SAG: variants seen among roughly 807,000 people sequenced by gnomAD.
SAG encodes S-arrestin.
SAG carries 45 observed loss-of-function variants against 55.0 expected under a neutral mutation model. That is an observed-to-expected ratio of 0.82 (90% CI 0.64 to 1.05). SAG has a LOEUF of 1.05. SAG is among the 50% of genes least tolerant of loss of function. SAG has a pLI of 0.00. For missense variants in SAG, 455 were observed against 512.1 expected (o/e 0.89, Z 1.08); for synonymous variants, 189 against 197.4 (o/e 0.96, Z 0.36).
At chr2:233,321,439 A>G (rs781580477) in intron 5 of SAG, among the ~76,000 whole-genome samples, 2 of 152,238 alleles carry the variant, frequency 1.3e-5, no homozygotes, top group Non-Finnish European at 2.9e-5. Context: ...AAAGGAATGA[A>G]ATTCTGTTCT....
rs535555001 is a variant in SAG at position 233,318,633 on chromosome 2, C to G, written c.137-118C>G. 3.4e-6 allele frequency: 3 copies of G among 895,358 alleles called. No homozygotes were observed. In the South Asian group the frequency reaches 4.5e-5, roughly 13 times the overall value. 55.5% of individuals were successfully genotyped at this position (895,358 alleles called of 1,614,324 possible). On this transcript the variant is annotated intron_variant, in intron 3 of 15. Transcript: ENST00000409110. ...TTTTCCCTTTGCCTGACTTTTCTTT[C>G]TTTCTTATAATGAACATGGATTACA...
At chr2:233,330,534 TTC>T (rs1700725640) in intron 9 of SAG, among the ~76,000 whole-genome samples, 1 of 147,904 alleles carries the variant, frequency 6.8e-6, no homozygotes, top group African/African-American at 2.5e-5. Flanking sequence ...CCTTCCTTCC[TTC>T]CTTCCTCCCT....
At position 233,337,242 on chromosome 2, in the gene SAG, T is replaced by C. The variant is rs973459506; in HGVS notation, c.945-1434T>C. ...ATATTCTGTCCTCTTTTAAAAATTATTTTTATTTTTTTTTGAGATAAGGTC... is the reference window on the plus strand; with the variant it reads ...ATATTCTGTCCTCTTTTAAAAATTACTTTTATTTTTTTTTGAGATAAGGTC... On this transcript the variant is annotated intron_variant, in intron 11 of 15. Coordinates refer to ENST00000409110, the MANE Select transcript of SAG (RefSeq NM_000541.5). Among the ~76,000 whole-genome samples, 4 of 78,874 alleles carry C rather than the reference T, an allele frequency of 5.1e-5. 1 individual carries two copies. The highest frequency in any genetic ancestry group is 2.0e-4 in the African/African-American group (3 of 15,162). 51.7% of individuals were successfully genotyped at this position (78,874 alleles called of 152,430 possible). A position where few individuals can be genotyped will look rare whatever the true frequency, so the allele number is the denominator to read the frequency against.
In SAG at chr2:233,309,228, C is replaced by A; in HGVS notation, c.39C>A (p.Asn13Lys). The change falls in exon 2 of 16, where the codon AAC (asparagine) becomes AAA (lysine). Residue 13 changes from asparagine (N) to lysine (K), a missense_variant. Coordinates refer to ENST00000409110, the MANE Select transcript of SAG (RefSeq NM_000541.5). ...ASGKTSKSEP[N>K]HVIFKKISRD... ...GGAAGACCAGCAAGTCCGAACCGAA[C>A]CATGTTATCTTCAAGAAGATCTCCC... The A allele has an allele frequency of 6.2e-7, 1 of 1,613,782 alleles. No homozygotes were observed.
chr2:233,310,809 T>C (rs1700058723), intron 2 of SAG, among the ~76,000 whole-genome samples: 2 of 152,034 alleles, frequency 1.3e-5, no homozygotes, highest in East Asian at 3.9e-4. Flanking sequence ...ACCTGGCCCA[T>C]TGTGGCTGAC....
intron 3 of SAG, 97 bp from the exon 4 acceptor site, chr2:233,318,654 T>C: frequency 9.7e-7 from 1 of 1,035,414 alleles, no homozygotes; most frequent in South Asian, 1.3e-5. Flanking sequence ...TGAACATGGA[T>C]TACATGTGTA....
chr2:233,314,184 T>C (rs1700156381), intron 2 of SAG, among the ~76,000 whole-genome samples: 1 of 150,196 alleles, frequency 6.7e-6, no homozygotes, highest in Non-Finnish European at 1.5e-5. Context: ...ATAGTGCCAC[T>C]GCACTCCAGC....
intron 13 of SAG, among the ~76,000 whole-genome samples, chr2:233,341,098 G>A (rs1238575545): frequency 6.6e-6 from 1 of 152,158 alleles, no homozygotes; most frequent in Non-Finnish European, 1.5e-5. Flanking sequence ...ATAGATATGA[G>A]CCACCACACC....
intron 5 of SAG, 26 bp from the exon 6 acceptor site, chr2:233,322,920 G>C (rs1468745184): frequency 4.3e-6 from 6 of 1,410,474 alleles, no homozygotes; most frequent in Non-Finnish European, 5.9e-6. Context: ...TGAAATAAAT[G>C]ATTTTTTATT....
Position 233,320,838 on chromosome 2 carries a change from C to T in SAG, c.375+15C>T, listed in dbSNP as rs773059710. 2.7e-5 allele frequency: 43 copies of T among 1,568,212 alleles called. No individual in the cohort carries two copies. The highest frequency in any genetic ancestry group is 1.7e-4 in the Middle Eastern group (1 of 5,962). Reference sequence around the variant, plus strand: ...TTCTCCTGACGGTGGGTGACTCCTCCGGCCAGCCCTGCTTCCTTCACCCGC... The same window carrying T: ...TTCTCCTGACGGTGGGTGACTCCTCTGGCCAGCCCTGCTTCCTTCACCCGC... On this transcript the variant is annotated intron_variant, in intron 5 of 15. Transcript: ENST00000409110.
intron 2 of SAG, among the ~76,000 whole-genome samples, chr2:233,310,684 T>C (rs2125319212): frequency 6.6e-6 from 1 of 152,108 alleles, no homozygotes; most frequent in East Asian, 1.9e-4. Flanking sequence ...TTTTTGTATT[T>C]TTAGTAGAGA....
intron 6 of SAG, among the ~76,000 whole-genome samples, chr2:233,325,934 T>C (rs2125333638): frequency 6.6e-6 from 1 of 152,296 alleles, no homozygotes; most frequent in Non-Finnish European, 1.5e-5. Context: ...CATATTTATT[T>C]TCCACTTAGA....
intron 9 of SAG, among the ~76,000 whole-genome samples, chr2:233,331,115 G>A (rs535551222): frequency 1.3e-5 from 2 of 152,136 alleles, no homozygotes; most frequent in Non-Finnish European, 2.9e-5. Flanking sequence ...TCATCACAAC[G>A]TCCCTATGAG....
intron 3 of SAG, among the ~76,000 whole-genome samples, chr2:233,317,678 T>G (rs1700248116): frequency 6.6e-6 from 1 of 152,172 alleles, no homozygotes; most frequent in South Asian, 2.1e-4. Context: ...TTAATTACAA[T>G]GGGAAAAATT....
chr2:233,337,496 C>T (rs976700271), intron 11 of SAG, among the ~76,000 whole-genome samples: 4 of 152,174 alleles, frequency 2.6e-5, no homozygotes, highest in Non-Finnish European at 1.5e-5. Flanking sequence ...GCCTCCGTCT[C>T]CCAAAGTGCT....
Position 233,329,063 on chromosome 2 carries a change from A to G in SAG, c.649-430A>G, listed in dbSNP as rs182700976. On this transcript the variant is annotated intron_variant, in intron 8 of 15. Transcript: ENST00000409110. ...CTCTTAGGGGTGTCATGGTGGGAAA[A>G]GGTGAGAGCTGCTGGCCAAGGCTGG... 4.1e-3 allele frequency: 944 copies of G among 232,278 alleles called. 4 individuals are homozygous for G. Among genetic ancestry groups the G allele is most frequent in the Non-Finnish European group, 6.6e-3 (780 of 117,944 alleles). 14.4% of individuals were successfully genotyped at this position (232,278 alleles called of 1,614,324 possible). A position where few individuals can be genotyped will look rare whatever the true frequency, so the allele number is the denominator to read the frequency against.
At chr2:233,328,918 T>G in intron 8 of SAG, 1 of 343,424 alleles carries the variant, frequency 2.9e-6, no homozygotes. Context: ...CCTGTCCACC[T>G]CCATGGGCCT....
chr2:233,318,731 CT>C lies in SAG; in HGVS notation c.137-19del. ...TTTCATCTTCTCCACCCTCACTGCT[CT>C]CTCCCTCTTTTGCCTTAGATGGTGT... On this transcript the variant is annotated intron_variant, in intron 3 of 15. Transcript: ENST00000409110. The C allele has an allele frequency of 1.9e-6, 3 of 1,612,098 alleles. No homozygotes were observed. The highest frequency in any genetic ancestry group is 2.5e-6 in the Non-Finnish European group (3 of 1,178,152).
At chr2:233,310,227 G>A (rs1055477810) in intron 2 of SAG, among the ~76,000 whole-genome samples, 3 of 152,198 alleles carry the variant, frequency 2.0e-5, no homozygotes, top group East Asian at 1.9e-4. Context: ...GCAACATCTA[G>A]TGCAAGCCAC....
Sources: allele counts gnomAD v4.1 joint callset (sites outside exome capture counted in the v4.1 genomes callset), GRCh38; gene constraint gnomAD v4.1.1; transcripts MANE v1.5; gene names NCBI Gene and HGNC (gene_info 2026-07-23, HGNC 2026-07-21).